Variants in COL19A1 observed in about 807,000 individuals in gnomAD.
The protein encoded by COL19A1 is collagen alpha-1(XIX) chain.
COL19A1 carries 159 observed loss-of-function variants against 190.2 expected under a neutral mutation model. The ratio of observed to expected loss-of-function variants is 0.84; its 90% CI spans 0.73 to 0.95. The LOEUF (loss-of-function observed/expected upper bound fraction) is 0.95. Ranked by LOEUF, COL19A1 falls within the 40% of genes least tolerant of loss-of-function variation. The pLI, the probability that COL19A1 is intolerant of heterozygous loss-of-function variation, is 0.00. For synonymous variants in COL19A1, 509 were observed against 458.9 expected, an observed-to-expected ratio of 1.11 and a Z score of -1.39; for missense variants, 1,418 against 1,431.9, an observed-to-expected ratio of 0.99 and a Z score of 0.16.
intron 15 of COL19A1, among the ~76,000 whole-genome samples, chr6:70,096,031 A>T (rs1783238434): frequency 6.6e-6 from 1 of 151,884 alleles, no homozygotes; most frequent in African/African-American, 2.4e-5. Context: ...AACTGTTTCC[A>T]ATTGTTGGAG....
chr6:69,982,538 C>G (rs1268200979), intron 11 of COL19A1, among the ~76,000 whole-genome samples: 1 of 151,814 alleles, frequency 6.6e-6, no homozygotes, highest in Non-Finnish European at 1.5e-5. Flanking sequence ...TGCACCTGGC[C>G]TACACTTTTA....
intron 15 of COL19A1, among the ~76,000 whole-genome samples, chr6:70,074,579 G>A (rs374392374): frequency 7.3e-5 from 11 of 151,436 alleles, no homozygotes; most frequent in African/African-American, 2.7e-4. Flanking sequence ...CAACTTCACA[G>A]CTACAAAGTG....
At chr6:70,041,780 G>A (rs919370501) in intron 14 of COL19A1, among the ~76,000 whole-genome samples, 1 of 152,090 alleles carries the variant, frequency 6.6e-6, no homozygotes, top group African/African-American at 2.4e-5. Flanking sequence ...GGTCAGGCAT[G>A]GTGGCTCATA....
At chr6:70,117,414 T>G (rs1784639993) in intron 16 of COL19A1, among the ~76,000 whole-genome samples, 1 of 152,262 alleles carries the variant, frequency 6.6e-6, no homozygotes, top group Non-Finnish European at 1.5e-5. Context: ...ATTTTTACAC[T>G]ACGTGTCTGA....
At chr6:70,073,682 G>T (rs1781690956) in intron 15 of COL19A1, among the ~76,000 whole-genome samples, 1 of 152,106 alleles carries the variant, frequency 6.6e-6, no homozygotes, top group African/African-American at 2.4e-5. Flanking sequence ...GCCCAGTGTT[G>T]ATCTAACTTG....
chr6:69,930,965 A>G (rs1222170525), intron 6 of COL19A1, among the ~76,000 whole-genome samples: 3 of 152,206 alleles, frequency 2.0e-5, no homozygotes, highest in South Asian at 2.1e-4. Context: ...ACTTGAAGGC[A>G]TGTCACAATG....
At chr6:69,946,883 A>G (rs1487636297) in intron 9 of COL19A1, among the ~76,000 whole-genome samples, 1 of 151,922 alleles carries the variant, frequency 6.6e-6, no homozygotes, top group Non-Finnish European at 1.5e-5. Flanking sequence ...CTGTGGCCCT[A>G]TAGTAGGGCT....
intron 14 of COL19A1, 37 bp from the exon 15 acceptor site, chr6:70,068,386 A>G: frequency 7.7e-7 from 1 of 1,302,952 alleles, no homozygotes; most frequent in Non-Finnish European, 1.1e-6. Context: ...GGTGTACTTG[A>G]AACAGTGTAT....
At chr6:70,150,104 C>A in intron 30 of COL19A1, 59 bp downstream of exon 30, 1 of 1,566,306 alleles carries the variant, frequency 6.4e-7, no homozygotes, top group South Asian at 1.1e-5. Flanking sequence ...AGCCAAACAG[C>A]CTACCAAGCA....
intron 31 of COL19A1, among the ~76,000 whole-genome samples, chr6:70,154,832 G>C (rs1446872255): frequency 6.6e-6 from 1 of 152,140 alleles, no homozygotes; most frequent in Non-Finnish European, 1.5e-5. Flanking sequence ...GAAGCATCCA[G>C]CACAGGAGAA....
intron 1 of COL19A1, among the ~76,000 whole-genome samples, chr6:69,871,522 G>A (rs1405470833): frequency 6.6e-6 from 1 of 152,174 alleles, no homozygotes; most frequent in Non-Finnish European, 1.5e-5. Context: ...GAGATGCCAT[G>A]TACATTAAAT....
At chr6:69,922,585 A>G (rs570012810) in intron 4 of COL19A1, among the ~76,000 whole-genome samples, 1 of 150,198 alleles carries the variant, frequency 6.7e-6, no homozygotes, top group Admixed American at 6.7e-5. Flanking sequence ...GGTTCAAACA[A>G]TTCTCCTGCC....
At chr6:69,878,449 C>T (rs922159040) in intron 1 of COL19A1, among the ~76,000 whole-genome samples, 8 of 151,904 alleles carry the variant, frequency 5.3e-5, no homozygotes, top group Admixed American at 3.3e-4. Context: ...CTCTTTACCT[C>T]GTGATCGCCC....
chr6:69,928,095 T>A (rs1460650956), intron 5 of COL19A1, 63 bp downstream of exon 5: 12 of 1,581,722 alleles, frequency 7.6e-6, no homozygotes, highest in Non-Finnish European at 1.0e-5. Context: ...GGTGAATTAT[T>A]TGAACTGGTG....
chr6:69,903,205 A>G (rs1053541059), intron 4 of COL19A1, among the ~76,000 whole-genome samples: 8 of 152,150 alleles, frequency 5.3e-5, no homozygotes, highest in African/African-American at 1.9e-4. Flanking sequence ...TTTAAACCAT[A>G]TGTTGTCAGT....
At chr6:69,934,882 A>C (rs753872984) in intron 7 of COL19A1, among the ~76,000 whole-genome samples, 6 of 152,048 alleles carry the variant, frequency 3.9e-5, no homozygotes, top group Admixed American at 6.6e-5. Flanking sequence ...CTCTACTTCC[A>C]ATACGAATTG....
rs111339510 is a variant in COL19A1 at position 69,899,196 on chromosome 6, A to T, written c.166+174A>T. 2.4e-3 allele frequency among the ~76,000 whole-genome samples: 352 copies of T among 146,202 alleles called. 3 individuals carry two copies. Among genetic ancestry groups the T allele is most frequent in the African/African-American group, 8.6e-3 (339 of 39,350 alleles). On this transcript the variant is annotated intron_variant, in intron 3 of 50. Coordinates refer to ENST00000620364, the MANE Select transcript of COL19A1 (RefSeq NM_001858.6). ...TTTTTTTTTTTTGAGACAGGGTCTC[A>T]CTCTGTCACTCAGGCTGGAGTGCAG...
chr6:69,985,402 G>A (rs980459442), intron 11 of COL19A1, among the ~76,000 whole-genome samples: 3 of 152,092 alleles, frequency 2.0e-5, no homozygotes, highest in African/African-American at 4.8e-5. Flanking sequence ...TGGTCCAGTG[G>A]CGAGTTCAGC....
At chr6:69,974,905 C>T (rs1354949197) in intron 11 of COL19A1, among the ~76,000 whole-genome samples, 14 of 150,058 alleles carry the variant, frequency 9.3e-5, no homozygotes, top group Admixed American at 1.3e-4. Context: ...CTCCACCTCC[C>T]GAGTTCGCGC....
Sources: allele counts gnomAD v4.1 joint callset (sites outside exome capture counted in the v4.1 genomes callset), GRCh38; gene constraint gnomAD v4.1.1; transcripts MANE v1.5; gene names NCBI Gene and HGNC (gene_info 2026-07-23, HGNC 2026-07-21).